Variants in DOCK3 observed in about 807,000 individuals in gnomAD.
DOCK3 encodes the protein dedicator of cytokinesis 3, also known as dedicator of cytokinesis protein 3.
DOCK3 carries 60 observed loss-of-function variants against 265.6 expected under a neutral mutation model. The observed-to-expected ratio is 0.23, with a 90% confidence interval of 0.18 to 0.28. The LOEUF (loss-of-function observed/expected upper bound fraction) is 0.28, where lower values mean the gene tolerates loss of function less well. DOCK3 is among the 10% of genes least tolerant of loss of function. The pLI is 1.00. For synonymous variants in DOCK3, 881 were observed against 938.0 expected (o/e 0.94, Z 1.11); for missense variants, 1,981 against 2,594.3 (o/e 0.76, Z 5.14).
At chr3:50,879,443 G>C (rs1209774307) in intron 3 of DOCK3, among the ~76,000 whole-genome samples, 1 of 144,708 alleles carries the variant, frequency 6.9e-6, no homozygotes, top group Non-Finnish European at 1.5e-5. Context: ...GATTTACCAA[G>C]CAAATGGAAA....
chr3:51,000,033 A>C (rs2078418622), intron 5 of DOCK3, among the ~76,000 whole-genome samples: 1 of 152,190 alleles, frequency 6.6e-6, no homozygotes, highest in Non-Finnish European at 1.5e-5. Context: ...ATCAGCCCAA[A>C]GTGAAAACTG....
chr3:50,737,837 C>CT (rs2038742383), intron 1 of DOCK3, among the ~76,000 whole-genome samples: 1 of 152,172 alleles, frequency 6.6e-6, no homozygotes, highest in Non-Finnish European at 1.5e-5. Flanking sequence ...CTGTGTTCCC[C>CT]TGTAGCTCAC....
At chr3:51,032,034 CG>C (rs1364470216) in intron 5 of DOCK3, among the ~76,000 whole-genome samples, 1 of 151,954 alleles carries the variant, frequency 6.6e-6, no homozygotes, top group Non-Finnish European at 1.5e-5. Context: ...GTTACAGCTG[CG>C]CAAATTAAAT....
At chr3:51,018,092 A>C (rs9311460) in intron 5 of DOCK3, among the ~76,000 whole-genome samples, 1 of 151,344 alleles carries the variant, frequency 6.6e-6, no homozygotes, top group South Asian at 2.1e-4. Flanking sequence ...GGGTTTCACT[A>C]TGTTGGCCAG....
intron 3 of DOCK3, among the ~76,000 whole-genome samples, chr3:50,846,362 C>T (rs1040638536): frequency 6.6e-6 from 1 of 152,124 alleles, no homozygotes; most frequent in African/African-American, 2.4e-5. Flanking sequence ...GGTGTTGGGG[C>T]AACAGTCTGT....
chr3:51,291,419 G>A (rs1051416539), intron 27 of DOCK3, among the ~76,000 whole-genome samples: 2 of 152,088 alleles, frequency 1.3e-5, no homozygotes, highest in Non-Finnish European at 1.5e-5. Flanking sequence ...AATAGAAGAC[G>A]TTACAACTGA....
At chr3:50,771,031 G>T (rs2041243291) in intron 1 of DOCK3, among the ~76,000 whole-genome samples, 1 of 152,142 alleles carries the variant, frequency 6.6e-6, no homozygotes, top group South Asian at 2.1e-4. Context: ...CCAGGATATT[G>T]GTCTGGGCAA....
intron 5 of DOCK3, among the ~76,000 whole-genome samples, chr3:51,063,040 T>C (rs561175518): frequency 6.6e-6 from 1 of 152,288 alleles, no homozygotes; most frequent in African/African-American, 2.4e-5. Context: ...AGTATATGAT[T>C]CCTAACATCT....
At chr3:50,918,403 A>G (rs1239752215) in intron 4 of DOCK3, among the ~76,000 whole-genome samples, 1 of 152,156 alleles carries the variant, frequency 6.6e-6, no homozygotes, top group Non-Finnish European at 1.5e-5. Context: ...CTATTTCTCC[A>G]CATCCTCTCC....
intron 5 of DOCK3, among the ~76,000 whole-genome samples, chr3:50,956,936 C>T (rs1308823090): frequency 1.3e-5 from 2 of 152,110 alleles, no homozygotes; most frequent in East Asian, 1.9e-4. Flanking sequence ...CATTTCGGCT[C>T]ACTGCAACCT....
At chr3:51,288,803 A>G (rs1420567734) in intron 27 of DOCK3, among the ~76,000 whole-genome samples, 3 of 152,088 alleles carry the variant, frequency 2.0e-5, no homozygotes, top group Non-Finnish European at 4.4e-5. Context: ...GACTGCAGGT[A>G]AAGGCTACTC....
chr3:51,107,297 G>A (rs575846261), intron 9 of DOCK3, among the ~76,000 whole-genome samples: 2 of 152,320 alleles, frequency 1.3e-5, no homozygotes, highest in African/African-American at 4.8e-5. Context: ...CAGAAAGCCA[G>A]AGTATCTTCT....
chr3:50,884,160 G>A (rs1410783464), intron 3 of DOCK3, among the ~76,000 whole-genome samples: 3 of 150,386 alleles, frequency 2.0e-5, no homozygotes, highest in Non-Finnish European at 2.9e-5. Flanking sequence ...GCGCCATCTC[G>A]CCTCACTGCA....
At chr3:51,147,353 T>G (rs1166782443) in intron 10 of DOCK3, among the ~76,000 whole-genome samples, 1 of 152,210 alleles carries the variant, frequency 6.6e-6, no homozygotes, top group Non-Finnish European at 1.5e-5. Context: ...CTTTTCTTTA[T>G]ATATATACTT....
intron 6 of DOCK3, among the ~76,000 whole-genome samples, chr3:51,067,195 A>C (rs997862896): frequency 4.6e-5 from 7 of 152,234 alleles, no homozygotes; most frequent in African/African-American, 1.7e-4. Context: ...TTTAACTGCA[A>C]CTATAGATTC....
chr3:50,969,853 C>T (rs1162191372), intron 5 of DOCK3, among the ~76,000 whole-genome samples: 2 of 152,114 alleles, frequency 1.3e-5, no homozygotes, highest in Admixed American at 6.5e-5. Flanking sequence ...GGGCGGATCA[C>T]GAGGTCAGGA....
intron 4 of DOCK3, among the ~76,000 whole-genome samples, chr3:50,897,002 T>G (rs2048926219): frequency 6.6e-6 from 1 of 152,166 alleles, no homozygotes; most frequent in Non-Finnish European, 1.5e-5. Context: ...TTTAAAGTAG[T>G]TTTTTTCTAA....
At chr3:51,331,505 A>G (rs919835123) in intron 33 of DOCK3, among the ~76,000 whole-genome samples, 16 of 152,116 alleles carry the variant, frequency 1.1e-4, no homozygotes, top group African/African-American at 3.6e-4. Context: ...CACTGATAAC[A>G]TGGAGCAGCA....
intron 27 of DOCK3, among the ~76,000 whole-genome samples, chr3:51,300,901 G>A (rs1433029273): frequency 6.6e-6 from 1 of 152,174 alleles, no homozygotes; most frequent in African/African-American, 2.4e-5. Context: ...TTAGTATCAG[G>A]ATGATGCTGG....
Sources: gnomAD v4.1 joint callset for allele counts (sites outside exome capture counted in the v4.1 genomes callset) on GRCh38, gnomAD v4.1.1 for gene constraint, MANE v1.5 for transcripts, NCBI Gene and HGNC (gene_info 2026-07-23, HGNC 2026-07-21) for gene names.